The following AGER variants were observed in gnomAD, a reference collection of about 807,000 sequenced individuals.
AGER encodes the protein advanced glycation end product-specific receptor.
Under a neutral mutation model 48.8 loss-of-function variants are expected in AGER, and 46 were observed. The ratio of observed to expected loss-of-function variants is 0.94; its 90% CI spans 0.74 to 1.20. AGER has a LOEUF of 1.20. AGER is among the 50% of genes most tolerant of loss of function. AGER has a pLI of 0.00. For missense variants in AGER, 489 were observed against 515.0 expected (o/e 0.95, Z 0.49); for synonymous variants, 170 against 199.9 (o/e 0.85, Z 1.26).
chr6:32,182,387 C>G lies in AGER; in HGVS notation c.824G>C (p.Gly275Ala), dbSNP rs751726848. 1 of 1,609,984 alleles carries G rather than the reference C, an allele frequency of 6.2e-7. No individual in the cohort carries two copies. The highest frequency in any genetic ancestry group is 1.3e-5 in the African/African-American group (1 of 74,766). The change falls in exon 8 of 11, where the codon GGT becomes GCT. Residue 275 changes from glycine to alanine, a missense_variant and splice_region_variant. Transcript: ENST00000375076. The surrounding 1 kb of genome is among the most constrained non-coding windows in gnomAD (Gnocchi z 5.1). ...PSPQIHWMKD[G>A]VPLPLPPSPV... The stretch of plus-strand genomic sequence containing the variant: ...GCTGGGGGGAAGGGGCAAGGGCACA[C>G]CCTGGTGGGGGAAGGGGAGAGGAGA...
Position 32,183,099 on chromosome 6 carries a change from C to T in AGER, c.508+15G>A. ...ATCAGGGAGAAGGCAGCTTGGGGGG[C>T]ACCTTAGGACTCACCCTTCTCATTA... is the stretch of plus-strand genomic sequence containing the variant. On this transcript the variant is annotated intron_variant, in intron 5 of 10. Transcript: ENST00000375076. 1 of 1,612,994 alleles carries T rather than the reference C, an allele frequency of 6.2e-7. No homozygotes were observed. The highest frequency in any genetic ancestry group is 8.5e-7 in the Non-Finnish European group (1 of 1,179,972).
Position 32,181,802 on chromosome 6 carries a change from A to G in AGER, c.965-170T>C, listed in dbSNP as rs539802535. On this transcript the variant is annotated intron_variant, in intron 8 of 10. Transcript: ENST00000375076. This position sits in a 1 kb window ranked among gnomAD's most constrained non-coding sequence, Gnocchi z 4.1. ...GTGCGATCTTGGCTCATCGCAATCTATGCCTCCTGGGTTCAAGCAATTCTC... is the reference window on the plus strand; with the variant it reads ...GTGCGATCTTGGCTCATCGCAATCTGTGCCTCCTGGGTTCAAGCAATTCTC... Among the ~76,000 whole-genome samples the G allele has an allele frequency of 4.0e-5, 6 of 151,710 alleles. No individual in the cohort carries two copies. The highest frequency in any genetic ancestry group is 1.2e-4 in the African/African-American group (5 of 41,312).
In AGER at chr6:32,183,562, A is replaced by G. The variant is rs763142135; in HGVS notation, c.348T>C (p.Arg116=). The G allele has an allele frequency of 6.2e-7, 1 of 1,613,078 alleles. No homozygotes were observed. The highest frequency in any genetic ancestry group is 1.6e-4 in the Middle Eastern group (1 of 6,062). ...AGACCCTGGAATTCTTACGGTAGAC[A>G]CGGACTCGGTAGTTGGACTTGGTCT... ...GKETKSNYRV[R]VYQIPGKPEI... is the part of the protein sequence containing the mutation. The change falls in exon 3 of 11, where the codon CGT becomes CGC. Residue 116 remains arginine (R), a synonymous_variant. Transcript: ENST00000375076.
At position 32,181,631 on chromosome 6, in the gene AGER, T is replaced by C. The variant is rs1786239906; in HGVS notation, c.966A>G (p.Glu322=). 1 of 1,612,988 alleles carries C rather than the reference T, an allele frequency of 6.2e-7. No homozygotes were observed. The highest frequency in any genetic ancestry group is 8.5e-7 in the Non-Finnish European group (1 of 1,180,042). The change falls in exon 9 of 11, where the codon GAA becomes GAG. Residue 322 remains glutamate (E), a splice_region_variant and synonymous_variant. Transcript: ENST00000375076. The surrounding 1 kb of genome is among the most constrained non-coding windows in gnomAD (Gnocchi z 4.1). The part of the protein sequence containing the change: ...ESRAVSISII[E]PGEEGPTAGS... ...CTGCAGTTGGCCCCTCCTCGCCTGG[T>C]TCTGGAAGACAAAGTTGGATCCAGT...
Position 32,182,359 on chromosome 6 carries a change from AGGGCTGG to A in AGER, c.845_851del (p.Pro282LeufsTer3), listed in dbSNP as rs762769851. ...GCCCTATCTCAGGGAGGATCAGCAC[AGGGCTGG>A]GGGGAAGGGGCAAGGGCACACCCTG... is the stretch of plus-strand genomic sequence containing the variant. On this transcript the variant is annotated frameshift_variant, in exon 8 of 11. Transcript: ENST00000375076. LOFTEE classifies it high-confidence loss of function. The surrounding 1 kb of genome is among the most constrained non-coding windows in gnomAD (Gnocchi z 5.1). 45 of 1,611,870 alleles carry A rather than the reference AGGGCTGG, an allele frequency of 2.8e-5. No individual in the cohort carries two copies. In the African/African-American group the frequency reaches 4.8e-4, roughly 17 times the overall value.
Position 32,182,450 on chromosome 6 carries a change from C to T in AGER, c.823-62G>A. 6.3e-7 allele frequency: 1 copy of T among 1,588,142 alleles called. No individual in the cohort carries two copies. The highest frequency in any genetic ancestry group is 8.6e-7 in the Non-Finnish European group (1 of 1,166,058). ...CCTTGTCTTTTTGTCTCCATATCTT[C>T]AGATACCCTCTCTTCCTCCTCAGCT... On this transcript the variant is annotated intron_variant, in intron 7 of 10. Transcript: ENST00000375076. This position sits in a 1 kb window ranked among gnomAD's most constrained non-coding sequence, Gnocchi z 5.1.
chr6:32,182,988 CAG>C lies in AGER; in HGVS notation c.542_543del (p.Pro181ArgfsTer28). 1 of 1,613,042 alleles carries C rather than the reference CAG, an allele frequency of 6.2e-7. No individual in the cohort carries two copies. Among genetic ancestry groups the C allele is most frequent in the East Asian group, 2.2e-5 (1 of 44,886 alleles). On this transcript the variant is annotated frameshift_variant, in exon 6 of 11. Coordinates refer to ENST00000375076, the MANE Select transcript of AGER (RefSeq NM_001136.5). LOFTEE classifies it high-confidence loss of function. This position sits in a 1 kb window ranked among gnomAD's most constrained non-coding sequence, Gnocchi z 5.1. ...GACTGCAGTGTGAAGAGCCCTGTCTCAGGGTGTCTCCTGGTCTGTTCCTTCAC... is the reference window on the plus strand; with the variant it reads ...GACTGCAGTGTGAAGAGCCCTGTCTCGGTGTCTCCTGGTCTGTTCCTTCAC... ...VSVKEQTRRH[P>X]ETGLFTLQSE...
In AGER at chr6:32,181,715, T is replaced by G; in HGVS notation, c.965-83A>C. The G allele has an allele frequency of 7.2e-7, 1 of 1,392,566 alleles. No homozygotes were observed. The highest frequency in any genetic ancestry group is 9.9e-7 in the Non-Finnish European group (1 of 1,011,266). 86.3% of individuals were successfully genotyped at this position (1,392,566 alleles called of 1,614,324 possible). A position where few individuals can be genotyped will look rare whatever the true frequency, so the allele number is the denominator to read the frequency against. ...TTTAGTGGGAGCCCCAGTGGAGTCT[T>G]TCCCTTTCTTTTTTTTTTTGAGATG... On this transcript the variant is annotated intron_variant, in intron 8 of 10. Transcript: ENST00000375076. This position sits in a 1 kb window ranked among gnomAD's most constrained non-coding sequence, Gnocchi z 4.1.
At chr6:32,183,495 G>C in intron 3 of AGER, 60 bp downstream of exon 3, 19 of 1,611,004 alleles carry the variant, frequency 1.2e-5, no homozygotes, top group Non-Finnish European at 1.5e-5. Flanking sequence ...GCCAAGGCTG[G>C]GGTTGAAGGC....
In AGER at chr6:32,182,415, A is replaced by T; in HGVS notation, c.823-27T>A. The stretch of plus-strand genomic sequence containing the variant: ...TGGTGGGGGAAGGGGAGAGGAGACT[A>T]TTTCAAAACCCTTGTCTTTTTGTCT... On this transcript the variant is annotated intron_variant, in intron 7 of 10. Coordinates refer to ENST00000375076, the MANE Select transcript of AGER (RefSeq NM_001136.5). This position sits in a 1 kb window ranked among gnomAD's most constrained non-coding sequence, Gnocchi z 5.1. 1 of 1,600,514 alleles carries T rather than the reference A, an allele frequency of 6.2e-7. No homozygotes were observed. Among genetic ancestry groups the T allele is most frequent in the Non-Finnish European group, 8.5e-7 (1 of 1,172,738 alleles).
At position 32,181,599 on chromosome 6, in the gene AGER, C is replaced by A; in HGVS notation, c.991+7G>T. On this transcript the variant is annotated splice_region_variant and intron_variant, in intron 9 of 10. Coordinates refer to ENST00000375076, the MANE Select transcript of AGER (RefSeq NM_001136.5). This position sits in a 1 kb window ranked among gnomAD's most constrained non-coding sequence, Gnocchi z 4.1. The stretch of plus-strand genomic sequence containing the variant: ...TTCTGCTTCCCTGACTTTATCAAAC[C>A]CCTCACCTGCAGTTGGCCCCTCCTC... 6.2e-7 allele frequency: 1 copy of A among 1,613,156 alleles called. No homozygotes were observed. Among genetic ancestry groups the A allele is most frequent in the Non-Finnish European group, 8.5e-7 (1 of 1,180,050 alleles).
At position 32,182,881 on chromosome 6, in the gene AGER, G is replaced by C; in HGVS notation, c.651C>G (p.His217Gln). 6.2e-7 allele frequency: 1 copy of C among 1,611,554 alleles called. No individual in the cohort carries two copies. The highest frequency in any genetic ancestry group is 8.5e-7 in the Non-Finnish European group (1 of 1,179,442). The change falls in exon 6 of 11, where the codon CAC becomes CAG. Residue 217 changes from histidine (H) to glutamine (Q), a missense_variant. Transcript: ENST00000375076. The surrounding 1 kb of genome is among the most constrained non-coding windows in gnomAD (Gnocchi z 5.1). Reference protein sequence around the residue: ...SCSFSPGLPRHRALRTAPIQP... With the variant: ...SCSFSPGLPRQRALRTAPIQP... ...GGATGGGGGCTGTGCGCAAGGCCCGGTGTCGGGGAAGGCCTGGGCTGAAGC... is the reference window on the plus strand; with the variant it reads ...GGATGGGGGCTGTGCGCAAGGCCCGCTGTCGGGGAAGGCCTGGGCTGAAGC...
Position 32,182,109 on chromosome 6 carries a change from G to T in AGER, c.964+138C>A. 8.1e-7 allele frequency: 1 copy of T among 1,238,892 alleles called. No homozygotes were observed. The highest frequency in any genetic ancestry group is 1.2e-6 in the Non-Finnish European group (1 of 862,676). The allele number at this position is 1,238,892 out of a possible 1,614,324, so 76.7% of individuals were successfully genotyped here. A position where few individuals can be genotyped will look rare whatever the true frequency, so the allele number is the denominator to read the frequency against. ...TCTTGGCAGAATTTGGGTGGGGCAG[G>T]GGAGGCTTGGGTGTGGGTGCATGGA... On this transcript the variant is annotated intron_variant, in intron 8 of 10. Transcript: ENST00000375076. The surrounding 1 kb of genome is among the most constrained non-coding windows in gnomAD (Gnocchi z 5.1).
intron 3 of AGER, 36 bp from the exon 4 acceptor site, chr6:32,183,424 G>T (rs2127439799): frequency 6.2e-7 from 1 of 1,609,994 alleles, no homozygotes; most frequent in East Asian, 2.2e-5. Context: ...GGCTGTAATT[G>T]TGAAGGTTCT....
Position 32,183,947 on chromosome 6 carries a change from G to A in AGER, c.93C>T (p.Gly31=), listed in dbSNP as rs750187020. 3.8e-5 allele frequency: 61 copies of A among 1,611,940 alleles called. No individual in the cohort carries two copies. The highest frequency in any genetic ancestry group is 4.7e-5 in the Non-Finnish European group (56 of 1,179,874). ...VGAQNITARI[G]EPLVLKCKGA... Reference sequence around the variant, plus strand: ...CCTTACACTTCAGCACCAGTGGCTCGCCAATCCGGGCTGTGATGTTTTGAG... The same window carrying A: ...CCTTACACTTCAGCACCAGTGGCTCACCAATCCGGGCTGTGATGTTTTGAG... Residue 31 remains glycine (G), a synonymous_variant, in exon 2 of 11, where the codon GGC becomes GGT. Transcript: ENST00000375076.
At position 32,181,569 on chromosome 6, in the gene AGER, C is replaced by T. The variant is rs1448800771; in HGVS notation, c.991+37G>A. On this transcript the variant is annotated intron_variant, in intron 9 of 10. Coordinates refer to ENST00000375076, the MANE Select transcript of AGER (RefSeq NM_001136.5). The surrounding 1 kb of genome is among the most constrained non-coding windows in gnomAD (Gnocchi z 4.1). ...TCCCCCCAGTCACATGTGTTGGGGG[C>T]TATCTTCTGCTTCCCTGACTTTATC... The T allele has an allele frequency of 6.2e-7, 1 of 1,613,150 alleles. No homozygotes were observed. Among genetic ancestry groups the T allele is most frequent in the Non-Finnish European group, 8.5e-7 (1 of 1,180,042 alleles).
chr6:32,183,289 G>A, intron 4 of AGER, 35 bp downstream of exon 4: 1 of 1,613,132 alleles, frequency 6.2e-7, no homozygotes, highest in Non-Finnish European at 8.5e-7. Flanking sequence ...CTGTTCACAG[G>A]GCCGTTTTCT....
At position 32,182,622 on chromosome 6, in the gene AGER, G is replaced by A. The variant is rs1292077026; in HGVS notation, c.768C>T (p.Thr256=). 2 of 1,613,012 alleles carry A rather than the reference G, an allele frequency of 1.2e-6. No homozygotes were observed. The highest frequency in any genetic ancestry group is 1.1e-5 in the South Asian group (1 of 91,072). ...GGAVAPGGTV[T]LTCEVPAQPS... is the part of the protein sequence containing the mutation. Reference sequence around the variant, plus strand: ...GCTGGGCAGGGACTTCACAGGTCAGGGTTACGGTTCCACCAGGAGCTACTG... The same window carrying A: ...GCTGGGCAGGGACTTCACAGGTCAGAGTTACGGTTCCACCAGGAGCTACTG... Residue 256 remains threonine (T), a synonymous_variant, in exon 7 of 11, where the codon ACC becomes ACT. Transcript: ENST00000375076. This position sits in a 1 kb window ranked among gnomAD's most constrained non-coding sequence, Gnocchi z 5.1.
At chr6:32,183,515 G>C (rs747898000) in intron 3 of AGER, 40 bp downstream of exon 3, 7 of 1,612,452 alleles carry the variant, frequency 4.3e-6, no homozygotes, top group Non-Finnish European at 4.2e-6. Flanking sequence ...CTTTTTCTTA[G>C]GTAAGAGGGA....
Sources: allele counts gnomAD v4.1 joint callset (sites outside exome capture counted in the v4.1 genomes callset), GRCh38; gene constraint gnomAD v4.1.1; non-coding constraint Gnocchi (gnomAD v3.1); transcripts MANE v1.5; gene names NCBI Gene and HGNC (gene_info 2026-07-23, HGNC 2026-07-21).